The following WDPCP variants were observed in gnomAD, a reference collection of about 807,000 sequenced individuals.
WDPCP encodes WD repeat-containing and planar cell polarity effector protein fritz homolog.
Under a neutral mutation model 93.1 loss-of-function variants are expected in WDPCP, and 71 were observed. The observed-to-expected ratio is 0.76, with a 90% CI of 0.63 to 0.93. WDPCP has a LOEUF of 0.93. Among genes scored for constraint, WDPCP ranks in the 40% least tolerant of loss-of-function variants. WDPCP has a pLI of 0.00. For missense variants in WDPCP, 844 were observed against 887.4 expected (o/e 0.95, Z 0.62); for synonymous variants, 315 against 315.0 (o/e 1.00, Z 0.00).
chr2:63,587,408 A>G (rs1306555312), intron 1 of WDPCP, among the ~76,000 whole-genome samples: 1 of 152,226 alleles, frequency 6.6e-6, no homozygotes, highest in Non-Finnish European at 1.5e-5. Context: ...AAGGAGAGTC[A>G]TTCAGGTATG....
chr2:63,534,449 C>T (rs1034516731), intron 1 of WDPCP, among the ~76,000 whole-genome samples: 5 of 152,078 alleles, frequency 3.3e-5, no homozygotes, highest in Admixed American at 1.3e-4. Flanking sequence ...AACATCAATG[C>T]AAAAATCTTC....
At chr2:63,449,163 G>GA (rs910036508) in intron 6 of WDPCP, among the ~76,000 whole-genome samples, 8 of 150,658 alleles carry the variant, frequency 5.3e-5, no homozygotes, top group Non-Finnish European at 8.9e-5. Context: ...GAATAAAAGT[G>GA]AAAAAAAAAT....
intron 15 of WDPCP, among the ~76,000 whole-genome samples, chr2:63,168,417 G>T (rs1011666998): frequency 2.0e-5 from 3 of 151,822 alleles, no homozygotes; most frequent in African/African-American, 7.3e-5. Flanking sequence ...ATTTTATTTA[G>T]ATGTATGTCT....
At chr2:63,252,753 A>G (rs2104727485) in intron 14 of WDPCP, among the ~76,000 whole-genome samples, 1 of 152,336 alleles carries the variant, frequency 6.6e-6, no homozygotes, top group Admixed American at 6.5e-5. Context: ...CCGCTGAAAG[A>G]AATCACAGAC....
At chr2:63,235,369 CA>C (rs1255713619) in intron 14 of WDPCP, among the ~76,000 whole-genome samples, 1 of 152,002 alleles carries the variant, frequency 6.6e-6, no homozygotes, top group East Asian at 1.9e-4. Context: ...GGCTACCAAT[CA>C]AAAAAAGCCC....
chr2:63,787,382 C>A (rs143774642), intron 2 of WDPCP, among the ~76,000 whole-genome samples: 1 of 152,084 alleles, frequency 6.6e-6, no homozygotes, highest in Non-Finnish European at 1.5e-5. Context: ...GAAAAATAGA[C>A]GGAGAAGTTT....
intron 3 of WDPCP, chr2:63,599,068 C>G: frequency 8.7e-7 from 1 of 1,152,006 alleles, no homozygotes; most frequent in Non-Finnish European, 1.2e-6. Context: ...CAAGCCTCCC[C>G]TGTACAAAGG....
At chr2:63,437,665 A>G (rs1368997656) in intron 7 of WDPCP, 111 bp from the exon 8 acceptor site, 27 of 1,116,580 alleles carry the variant, frequency 2.4e-5, no homozygotes, top group Non-Finnish European at 3.2e-5. Context: ...TGAAATCACT[A>G]AAGTCTCTTG....
rs775318255 is a variant in WDPCP, at chr2:63,153,518, A to G, written c.2135T>C (p.Met712Thr). ...ACCTTCTGCATTACAGGTATTAGTC[A>G]TCAAAAATCCAGAACAGATGTCTTT... ...LEKDICSGFL[M>T]TNTCNAEDGE... The change falls in exon 16 of 18, where the codon ATG becomes ACG. Residue 712 changes from methionine to threonine, a missense_variant. Coordinates refer to ENST00000272321, the MANE Select transcript of WDPCP (RefSeq NM_015910.7). 3 of 1,612,598 alleles carry G rather than the reference A, an allele frequency of 1.9e-6. No individual in the cohort carries two copies. The highest frequency in any genetic ancestry group is 2.7e-5 in the African/African-American group (2 of 74,882).
At chr2:63,542,131 C>T (rs1049768282) in intron 1 of WDPCP, among the ~76,000 whole-genome samples, 4 of 152,080 alleles carry the variant, frequency 2.6e-5, no homozygotes, top group African/African-American at 2.4e-5. Flanking sequence ...ATATATTTAA[C>T]AGAGCGTGTC....
chr2:63,570,927 G>T (rs1707446586), intron 1 of WDPCP, among the ~76,000 whole-genome samples: 1 of 150,796 alleles, frequency 6.6e-6, no homozygotes, highest in South Asian at 2.1e-4. Flanking sequence ...TTTTTTTGAG[G>T]TGGAGTCTCA....
At chr2:63,510,750 G>A (rs1310179363) in intron 1 of WDPCP, among the ~76,000 whole-genome samples, 1 of 152,188 alleles carries the variant, frequency 6.6e-6, no homozygotes, top group Non-Finnish European at 1.5e-5. Flanking sequence ...AAAGCAGGCA[G>A]ATCACAAGTT....
At chr2:63,241,572 A>G (rs1679862000) in intron 14 of WDPCP, among the ~76,000 whole-genome samples, 2 of 152,130 alleles carry the variant, frequency 1.3e-5, no homozygotes, top group African/African-American at 4.8e-5. Context: ...GAATTTTTAT[A>G]TATGTTTACA....
intron 7 of WDPCP, among the ~76,000 whole-genome samples, chr2:63,438,564 A>G (rs1697293529): frequency 6.6e-6 from 1 of 152,088 alleles, no homozygotes; most frequent in Non-Finnish European, 1.5e-5. Flanking sequence ...GAAGGGGTCA[A>G]TTATTAGACA....
intron 1 of WDPCP, among the ~76,000 whole-genome samples, chr2:63,506,919 A>T (rs957280357): frequency 6.6e-6 from 1 of 152,022 alleles, no homozygotes; most frequent in Non-Finnish European, 1.5e-5. Context: ...ACAAAAACAG[A>T]CAAAAGAAGA....
chr2:63,405,735 A>C (rs1054026841), intron 9 of WDPCP, among the ~76,000 whole-genome samples: 29 of 152,102 alleles, frequency 1.9e-4, no homozygotes, highest in Admixed American at 3.3e-4. Context: ...ATGCAGAAGA[A>C]CATCAAATAA....
intron 2 of WDPCP, among the ~76,000 whole-genome samples, chr2:63,689,648 C>A (rs1008734242): frequency 1.3e-5 from 2 of 152,204 alleles, no homozygotes; most frequent in Non-Finnish European, 2.9e-5. Flanking sequence ...GAGAAAACAG[C>A]ATCATTGCTT....
chr2:63,489,915 C>G (rs548946369), intron 2 of WDPCP, among the ~76,000 whole-genome samples: 2 of 152,058 alleles, frequency 1.3e-5, no homozygotes, highest in East Asian at 3.9e-4. Context: ...CGAGCAGACA[C>G]TATCTTATCA....
chr2:63,734,654 C>T (rs1364625915), intron 2 of WDPCP, among the ~76,000 whole-genome samples: 1 of 152,164 alleles, frequency 6.6e-6, no homozygotes, highest in Non-Finnish European at 1.5e-5. Context: ...AACATTTGAA[C>T]ATCACAGTAT....
Sources: allele counts gnomAD v4.1 joint callset (sites outside exome capture counted in the v4.1 genomes callset), GRCh38; gene constraint gnomAD v4.1.1; transcripts MANE v1.5; gene names NCBI Gene and HGNC (gene_info 2026-07-23, HGNC 2026-07-21).